CHST8: variants seen among roughly 807,000 people sequenced by gnomAD.
CHST8 encodes carbohydrate sulfotransferase 8.
Under a neutral mutation model 15.0 loss-of-function variants are expected in CHST8, and 10 were observed. That is an observed-to-expected ratio of 0.67 (90% CI 0.41 to 1.13). The LOEUF is 1.13. Ranked by LOEUF, CHST8 falls within the 50% of genes most tolerant of loss-of-function variation. The pLI, the probability that CHST8 is intolerant of heterozygous loss-of-function variation, is 0.00. For missense variants in CHST8, 634 were observed against 608.2 expected, an observed-to-expected ratio of 1.04 and a Z score of -0.45; for synonymous variants, 259 against 256.6, an observed-to-expected ratio of 1.01 and a Z score of -0.09.
chr19:33,674,008 C>T (rs1347619565), intron 2 of CHST8, among the ~76,000 whole-genome samples: 1 of 152,236 alleles, frequency 6.6e-6, no homozygotes, highest in East Asian at 1.9e-4. Flanking sequence ...CCCATCTTGG[C>T]CTCCCAAAGT....
At chr19:33,747,997 G>A (rs1191504907) in intron 3 of CHST8, among the ~76,000 whole-genome samples, 1 of 152,148 alleles carries the variant, frequency 6.6e-6, no homozygotes, top group Non-Finnish European at 1.5e-5. Context: ...CCTGGGGAAG[G>A]AGATTTTCCT....
chr19:33,750,552 G>A (rs1974396834), intron 3 of CHST8, among the ~76,000 whole-genome samples: 1 of 152,082 alleles, frequency 6.6e-6, no homozygotes, highest in Non-Finnish European at 1.5e-5. Flanking sequence ...CCTGAAGGCT[G>A]CTGGAGGCGA....
intron 3 of CHST8, among the ~76,000 whole-genome samples, chr19:33,766,023 C>T (rs1268339262): frequency 5.3e-5 from 8 of 152,068 alleles, no homozygotes; most frequent in Admixed American, 5.2e-4. Context: ...CCTTCCCATG[C>T]AAGCTGCGGC....
intron 3 of CHST8, among the ~76,000 whole-genome samples, chr19:33,739,372 C>G (rs1188954104): frequency 6.6e-6 from 1 of 152,224 alleles, no homozygotes; most frequent in Non-Finnish European, 1.5e-5. Flanking sequence ...AGCCATCCCT[C>G]CCTGCCTTCC....
intron 3 of CHST8, among the ~76,000 whole-genome samples, chr19:33,696,698 T>A (rs1295997472): frequency 2.0e-5 from 3 of 151,800 alleles, no homozygotes; most frequent in Non-Finnish European, 4.4e-5. Context: ...ACGAAACTGG[T>A]TCCTGGTGCC....
chr19:33,643,614 C>T (rs566106271), intron 1 of CHST8, among the ~76,000 whole-genome samples: 18 of 152,320 alleles, frequency 1.2e-4, no homozygotes, highest in African/African-American at 4.1e-4. Context: ...CCACCTTGAC[C>T]ATTTGCTTAA....
At chr19:33,648,579 A>G (rs1972385831) in intron 1 of CHST8, among the ~76,000 whole-genome samples, 2 of 152,224 alleles carry the variant, frequency 1.3e-5, no homozygotes, top group South Asian at 4.1e-4. Flanking sequence ...TAAAAAATTA[A>G]AAAAATTAAA....
Position 33,772,214 on chromosome 19 carries a change from G to A in CHST8, c.426G>A (p.Leu142=). The A allele has an allele frequency of 6.3e-7, 1 of 1,595,540 alleles. No homozygotes were observed. ...TCATCCGGCCGGGACCCGGGACGCTGGATGGCCGCTGGGTCAGCCTGCACC... is the reference window on the plus strand; with the variant it reads ...TCATCCGGCCGGGACCCGGGACGCTAGATGGCCGCTGGGTCAGCCTGCACC... ...APFIRPGPGT[L]DGRWVSLHRS... The change falls in exon 5 of 5, where the codon CTG becomes CTA. Residue 142 remains leucine (L), a synonymous_variant. Transcript: ENST00000650847.
intron 3 of CHST8, among the ~76,000 whole-genome samples, chr19:33,743,134 C>G (rs1467653760): frequency 6.6e-6 from 1 of 152,128 alleles, no homozygotes; most frequent in Admixed American, 6.5e-5. Context: ...GCCCCCTGAT[C>G]CTCCTTCCCC....
intron 3 of CHST8, among the ~76,000 whole-genome samples, chr19:33,764,457 G>C (rs767873375): frequency 6.6e-6 from 1 of 152,164 alleles, no homozygotes; most frequent in African/African-American, 2.4e-5. Context: ...CCAGGATTAT[G>C]CCACTGCACT....
At chr19:33,720,523 A>G (rs1410561955) in intron 3 of CHST8, among the ~76,000 whole-genome samples, 2 of 152,136 alleles carry the variant, frequency 1.3e-5, no homozygotes, top group Admixed American at 6.5e-5. Flanking sequence ...CCACACACAC[A>G]CGGAATGCAT....
intron 3 of CHST8, among the ~76,000 whole-genome samples, chr19:33,751,611 G>A (rs940804920): frequency 2.0e-4 from 30 of 152,106 alleles, no homozygotes; most frequent in African/African-American, 6.3e-4. Flanking sequence ...CTGCCTGACC[G>A]GCCCACCGTC....
chr19:33,655,372 A>G (rs531086408), intron 1 of CHST8, among the ~76,000 whole-genome samples: 6 of 152,298 alleles, frequency 3.9e-5, no homozygotes, highest in African/African-American at 1.4e-4. Context: ...TTGCATCTAT[A>G]GTGACAAGCA....
At chr19:33,642,237 T>G (rs1266600975) in intron 1 of CHST8, among the ~76,000 whole-genome samples, 1 of 152,146 alleles carries the variant, frequency 6.6e-6, no homozygotes, top group Non-Finnish European at 1.5e-5. Context: ...GGGCTCTGTG[T>G]GCCTCTGGAG....
At chr19:33,699,987 C>T (rs1973300245) in intron 3 of CHST8, among the ~76,000 whole-genome samples, 1 of 152,204 alleles carries the variant, frequency 6.6e-6, no homozygotes, top group Non-Finnish European at 1.5e-5. Flanking sequence ...AGCGGCCACC[C>T]CTACCTGCTC....
intron 3 of CHST8, among the ~76,000 whole-genome samples, chr19:33,721,964 G>C (rs531005623): frequency 5.6e-4 from 85 of 151,764 alleles, no homozygotes; most frequent in African/African-American, 2.0e-3. Context: ...TGGGCAGATG[G>C]ATGGATGGAT....
intron 3 of CHST8, among the ~76,000 whole-genome samples, chr19:33,752,239 C>T (rs1316463223): frequency 6.6e-6 from 1 of 152,190 alleles, no homozygotes; most frequent in Admixed American, 6.5e-5. Context: ...GCACCACCCC[C>T]TGCCCGGGGA....
At chr19:33,627,552 C>T (rs1972071692) in intron 1 of CHST8, among the ~76,000 whole-genome samples, 2 of 152,186 alleles carry the variant, frequency 1.3e-5, no homozygotes, top group Admixed American at 6.5e-5. Context: ...CTTACATCCG[C>T]ACTCCGCACG....
intron 3 of CHST8, among the ~76,000 whole-genome samples, chr19:33,697,794 G>C (rs2145271797): frequency 6.6e-6 from 1 of 152,298 alleles, no homozygotes; most frequent in Admixed American, 6.5e-5. Flanking sequence ...TTGGAGTCCT[G>C]AGAGAATGCG....
Sources: allele counts gnomAD v4.1 joint callset (sites outside exome capture counted in the v4.1 genomes callset), GRCh38; gene constraint gnomAD v4.1.1; transcripts MANE v1.5; gene names NCBI Gene and HGNC (gene_info 2026-07-23, HGNC 2026-07-21).